The following RARB variants were observed in gnomAD, a reference collection of about 807,000 sequenced individuals.
RARB encodes the protein retinoic acid receptor beta.
Under a neutral mutation model 51.9 loss-of-function variants are expected in RARB, and 17 were observed. That is an observed-to-expected ratio of 0.33 (90% CI 0.22 to 0.49). RARB has a LOEUF of 0.49. RARB is among the 20% of genes least tolerant of loss of function. The probability of loss-of-function intolerance (pLI) is 0.99; values close to 1 mark genes in which losing one functional copy is unlikely to be tolerated. For synonymous variants in RARB, 215 were observed against 195.4 expected (o/e 1.10, Z -0.84); for missense variants, 369 against 550.8 (o/e 0.67, Z 3.30).
At chr3:25,387,934 G>C (rs931559565) in intron 5 of RARB, among the ~76,000 whole-genome samples, 2 of 151,706 alleles carry the variant, frequency 1.3e-5, no homozygotes, top group Non-Finnish European at 2.9e-5. Context: ...TGAAACTATT[G>C]GATAAAATGA....
At chr3:25,130,350 A>T (rs1478032130) in intron 3 of RARB, among the ~76,000 whole-genome samples, 1 of 152,064 alleles carries the variant, frequency 6.6e-6, no homozygotes, top group Non-Finnish European at 1.5e-5. Flanking sequence ...GAATTCTCTC[A>T]GCTGAACTTC....
chr3:25,382,531 T>C (rs1260815057), intron 5 of RARB, among the ~76,000 whole-genome samples: 1 of 152,146 alleles, frequency 6.6e-6, no homozygotes, highest in Non-Finnish European at 1.5e-5. Flanking sequence ...CTGCTAAATA[T>C]GGCAGAGGAT....
chr3:25,360,443 G>A (rs1350831705), intron 5 of RARB, among the ~76,000 whole-genome samples: 1 of 152,174 alleles, frequency 6.6e-6, no homozygotes, highest in African/African-American at 2.4e-5. Context: ...GCCAGTCTGT[G>A]TCTTTTAATT....
intron 5 of RARB, among the ~76,000 whole-genome samples, chr3:25,591,392 C>T (rs1408847214): frequency 6.6e-6 from 1 of 152,154 alleles, no homozygotes; most frequent in Non-Finnish European, 1.5e-5. Context: ...CACAAAAGTG[C>T]CCAGTAAGGC....
chr3:25,423,755 T>C (rs114696106), upstream of RARB, among the ~76,000 whole-genome samples: 785 of 152,310 alleles, frequency 5.2e-3, 9 homozygotes, highest in African/African-American at 0.018. Context: ...AAGATCTAGA[T>C]TTAAAAAAGG....
chr3:24,867,594 C>T (rs1253628592), intron 2 of RARB, among the ~76,000 whole-genome samples: 1 of 152,070 alleles, frequency 6.6e-6, no homozygotes, highest in African/African-American at 2.4e-5. Flanking sequence ...ACTTACCCTT[C>T]TGTAGGGGAG....
intron 5 of RARB, among the ~76,000 whole-genome samples, chr3:25,295,572 G>A (rs1703896618): frequency 6.6e-6 from 1 of 152,140 alleles, no homozygotes; most frequent in Non-Finnish European, 1.5e-5. Flanking sequence ...CTGGTCTCTT[G>A]TTTGTATGAT....
chr3:25,087,930 A>T (rs1194933894), intron 3 of RARB, among the ~76,000 whole-genome samples: 1 of 151,906 alleles, frequency 6.6e-6, no homozygotes, highest in East Asian at 1.9e-4. Flanking sequence ...TATGTGGGGC[A>T]TGTAAACAGT....
chr3:25,554,051 T>A (rs2125671160), intron 3 of RARB, among the ~76,000 whole-genome samples: 1 of 151,622 alleles, frequency 6.6e-6, no homozygotes, highest in Middle Eastern at 3.4e-3. Flanking sequence ...AATCTGTGTT[T>A]GGTTAGGTGA....
intron 2 of RARB, among the ~76,000 whole-genome samples, chr3:24,901,377 C>G (rs1162869107): frequency 6.6e-6 from 1 of 152,008 alleles, no homozygotes; most frequent in Non-Finnish European, 1.5e-5. Context: ...AGAACAAACC[C>G]CAAACCTATA....
intron 3 of RARB, among the ~76,000 whole-genome samples, chr3:25,085,128 T>A (rs1163910141): frequency 6.6e-6 from 1 of 152,170 alleles, no homozygotes; most frequent in African/African-American, 2.4e-5. Context: ...GAGACAACTA[T>A]AGATGTGCCA....
chr3:25,279,056 C>A (rs17016139), intron 5 of RARB, among the ~76,000 whole-genome samples: 1,649 of 152,320 alleles, frequency 0.011, 32 homozygotes, highest in African/African-American at 0.038. Context: ...AAATACCATA[C>A]ACTCATGCAG....
chr3:25,505,619 G>C (rs1575469060), intron 3 of RARB, among the ~76,000 whole-genome samples: 1 of 151,316 alleles, frequency 6.6e-6, no homozygotes, highest in East Asian at 2.0e-4. Flanking sequence ...GACTAGGGAA[G>C]CCTTTTTGCA....
At chr3:25,431,444 T>C (rs1708203377) in intron 1 of RARB, among the ~76,000 whole-genome samples, 1 of 152,136 alleles carries the variant, frequency 6.6e-6, no homozygotes, top group Non-Finnish European at 1.5e-5. Flanking sequence ...TTGCTTCTTA[T>C]AAGCATTCAA....
chr3:25,536,876 T>C (rs1024786332), intron 3 of RARB, among the ~76,000 whole-genome samples: 1 of 152,164 alleles, frequency 6.6e-6, no homozygotes, highest in African/African-American at 2.4e-5. Context: ...GAAAAGAAAG[T>C]TGGGGAGTTT....
At chr3:25,356,805 G>C (rs964370798) in intron 5 of RARB, among the ~76,000 whole-genome samples, 3 of 152,044 alleles carry the variant, frequency 2.0e-5, no homozygotes, top group Non-Finnish European at 4.4e-5. Context: ...GAGAATGATG[G>C]TTTCCAGCTT....
chr3:25,145,757 C>G (rs1700177965), intron 4 of RARB, among the ~76,000 whole-genome samples: 1 of 152,064 alleles, frequency 6.6e-6, no homozygotes, highest in Admixed American at 6.5e-5. Flanking sequence ...ACCTTTAATC[C>G]TAGCACTTTG....
chr3:25,361,583 G>A (rs1315598239), intron 5 of RARB, among the ~76,000 whole-genome samples: 1 of 152,132 alleles, frequency 6.6e-6, no homozygotes, highest in Admixed American at 6.6e-5. Context: ...GAAATCTTCA[G>A]CCTTTTTTTG....
chr3:25,188,065 G>A (rs1340062287), intron 5 of RARB, among the ~76,000 whole-genome samples: 1 of 152,012 alleles, frequency 6.6e-6, no homozygotes, highest in Non-Finnish European at 1.5e-5. Context: ...CGAATTAATA[G>A]AATTAAATAT....
Sources: gnomAD v4.1 joint callset for allele counts (sites outside exome capture counted in the v4.1 genomes callset) on GRCh38, gnomAD v4.1.1 for gene constraint, MANE v1.5 for transcripts, NCBI Gene and HGNC (gene_info 2026-07-23, HGNC 2026-07-21) for gene names.